PDCD10: variants seen among roughly 807,000 people sequenced by gnomAD.
PDCD10 encodes the protein programmed cell death protein 10.
PDCD10 carries 4 observed loss-of-function variants against 29.2 expected under a neutral mutation model. The observed-to-expected ratio is 0.14, with a 90% CI of 0.07 to 0.31. The LOEUF is 0.31. Ranked by LOEUF, PDCD10 falls within the 10% of genes least tolerant of loss-of-function variation. The probability of loss-of-function intolerance (pLI) is 1.00; values close to 1 mark genes in which losing one functional copy is unlikely to be tolerated. For missense variants in PDCD10, 183 were observed against 257.9 expected, an observed-to-expected ratio of 0.71 and a Z score of 1.99; for synonymous variants, 70 against 82.2, an observed-to-expected ratio of 0.85 and a Z score of 0.80.
At chr3:167,697,660 ATGAT>A (rs2108411637) in intron 4 of PDCD10, among the ~76,000 whole-genome samples, 1 of 152,260 alleles carries the variant, frequency 6.6e-6, no homozygotes, top group African/African-American at 2.4e-5. Flanking sequence ...TTCCCACACA[ATGAT>A]TTTCATTTCC....
chr3:167,687,959 C>T (rs906057902), intron 6 of PDCD10, among the ~76,000 whole-genome samples: 1 of 152,164 alleles, frequency 6.6e-6, no homozygotes, highest in Non-Finnish European at 1.5e-5. Flanking sequence ...TTTCTCAAAT[C>T]AATCACATTT....
At position 167,726,573 on chromosome 3, in the gene PDCD10, A is replaced by G. The variant is rs532577647; in HGVS notation, c.-116-6300T>C. On this transcript the variant is annotated intron_variant, in intron 2 of 8. Coordinates refer to ENST00000392750, the MANE Select transcript of PDCD10 (RefSeq NM_007217.4). ...TTCAGTTTTGTAAATCTCTATTTCT[A>G]AACTAGTGAGAAACAGAAATACTGA... Among the ~76,000 whole-genome samples, 329 of 152,318 alleles carry G rather than the reference A, an allele frequency of 2.2e-3. 2 individuals are homozygous for G. Among genetic ancestry groups the G allele is most frequent in the African/African-American group, 7.4e-3 (307 of 41,586 alleles).
At chr3:167,712,224 G>C (rs1186267154) in intron 3 of PDCD10, among the ~76,000 whole-genome samples, 1 of 152,022 alleles carries the variant, frequency 6.6e-6, no homozygotes, top group South Asian at 2.1e-4. Context: ...CGTACAATAA[G>C]ACGTAAAGAG....
At chr3:167,686,038 G>C (rs1026636237) in intron 8 of PDCD10, among the ~76,000 whole-genome samples, 1 of 152,074 alleles carries the variant, frequency 6.6e-6, no homozygotes, top group South Asian at 2.1e-4. Context: ...CAATAATACT[G>C]TAATGATGTG....
At chr3:167,693,918 T>C (rs1265278951) in intron 6 of PDCD10, among the ~76,000 whole-genome samples, 1 of 152,188 alleles carries the variant, frequency 6.6e-6, no homozygotes, top group Non-Finnish European at 1.5e-5. Flanking sequence ...ATCATGCCAC[T>C]GCAGTCCAGC....
At chr3:167,686,484 G>A (rs1241628781) in intron 8 of PDCD10, among the ~76,000 whole-genome samples, 3 of 152,144 alleles carry the variant, frequency 2.0e-5, no homozygotes, top group Non-Finnish European at 4.4e-5. Context: ...AATCTCTGCA[G>A]GTGGGGCCTA....
intron 5 of PDCD10, among the ~76,000 whole-genome samples, chr3:167,695,999 A>AC (rs1559952886): frequency 2.9e-3 from 200 of 68,566 alleles, no homozygotes; most frequent in African/African-American, 0.013. Flanking sequence ...AAAAACACAC[A>AC]AAAAAAAAAC....
chr3:167,729,392 T>C (rs115760680), intron 2 of PDCD10, among the ~76,000 whole-genome samples: 1 of 152,208 alleles, frequency 6.6e-6, no homozygotes, highest in African/African-American at 2.4e-5. Flanking sequence ...CTACAACTCT[T>C]AATGCTAATT....
chr3:167,734,031 TCCTC>T (rs1489492660), intron 2 of PDCD10, among the ~76,000 whole-genome samples, 179 bp downstream of exon 2: 1 of 152,154 alleles, frequency 6.6e-6, no homozygotes, highest in African/African-American at 2.4e-5. Flanking sequence ...CTTTGTAACT[TCCTC>T]CACCCTTTTC....
intron 6 of PDCD10, among the ~76,000 whole-genome samples, chr3:167,689,938 G>A (rs138299197): frequency 1.7e-4 from 26 of 152,252 alleles, no homozygotes; most frequent in African/African-American, 5.1e-4. Flanking sequence ...ATGGCACCAA[G>A]GTGTGCACAT....
intron 8 of PDCD10, among the ~76,000 whole-genome samples, chr3:167,685,557 A>G (rs1402117663): frequency 6.6e-6 from 1 of 152,194 alleles, no homozygotes; most frequent in Non-Finnish European, 1.5e-5. Flanking sequence ...ATTGATACAC[A>G]AAGAACTGGA....
At chr3:167,707,557 T>C (rs989797219) in intron 3 of PDCD10, among the ~76,000 whole-genome samples, 2 of 152,076 alleles carry the variant, frequency 1.3e-5, no homozygotes, top group Admixed American at 6.5e-5. Context: ...GGCAGGTGCC[T>C]GTAGTCCCAG....
At position 167,696,536 on chromosome 3, in the gene PDCD10, C is replaced by T. The variant is rs543059992; in HGVS notation, c.268+473G>A. Among the ~76,000 whole-genome samples, 37 of 151,998 alleles carry T rather than the reference C, an allele frequency of 2.4e-4. 1 individual carries two copies. The South Asian group carries it at 6.0e-3, about 25-fold the overall frequency. On this transcript the variant is annotated intron_variant, in intron 5 of 8. Coordinates refer to ENST00000392750, the MANE Select transcript of PDCD10 (RefSeq NM_007217.4). Reference sequence around the variant, plus strand: ...TGCTACTAAACTTAAGTAAAACCAACGTCTAAATAATTTCAAGTAAAAAAA... The same window carrying T: ...TGCTACTAAACTTAAGTAAAACCAATGTCTAAATAATTTCAAGTAAAAAAA...
chr3:167,716,748 GA>G (rs1372796144), intron 3 of PDCD10, among the ~76,000 whole-genome samples: 5 of 151,922 alleles, frequency 3.3e-5, no homozygotes, highest in Non-Finnish European at 5.9e-5. Flanking sequence ...TACTTACACA[GA>G]AGCATACTTT....
chr3:167,721,417 T>A (rs1474322686), intron 2 of PDCD10, among the ~76,000 whole-genome samples: 1 of 152,198 alleles, frequency 6.6e-6, no homozygotes, highest in African/African-American at 2.4e-5. Context: ...CCACCTCATC[T>A]ACTCAAGAAA....
At chr3:167,714,330 T>G (rs933163707) in intron 3 of PDCD10, among the ~76,000 whole-genome samples, 1 of 151,916 alleles carries the variant, frequency 6.6e-6, no homozygotes, top group Non-Finnish European at 1.5e-5. Context: ...ATGATACAAT[T>G]CAACATCCTT....
chr3:167,699,916 GA>G (rs1228509225), intron 4 of PDCD10, among the ~76,000 whole-genome samples: 1 of 151,970 alleles, frequency 6.6e-6, no homozygotes, highest in African/African-American at 2.4e-5. Context: ...TATAAGTAGT[GA>G]AAAAAATAAT....
chr3:167,719,935 T>G, intron 3 of PDCD10, 127 bp downstream of exon 3: 1 of 746,586 alleles, frequency 1.3e-6, no homozygotes, highest in Non-Finnish European at 2.4e-6. Flanking sequence ...CCTGATACAA[T>G]GCCTAACGCA....
At chr3:167,700,986 T>A (rs180847985) in intron 4 of PDCD10, among the ~76,000 whole-genome samples, 2 of 152,184 alleles carry the variant, frequency 1.3e-5, no homozygotes, top group Non-Finnish European at 2.9e-5. Flanking sequence ...CAGGAAGAGA[T>A]AGGACAACTC....
Sources: allele counts gnomAD v4.1 joint callset (sites outside exome capture counted in the v4.1 genomes callset), GRCh38; gene constraint gnomAD v4.1.1; transcripts MANE v1.5; gene names NCBI Gene and HGNC (gene_info 2026-07-23, HGNC 2026-07-21).